LIPI: variants seen among roughly 807,000 people sequenced by gnomAD.
The protein encoded by LIPI is lipase I.
LIPI carries 59 observed loss-of-function variants against 50.6 expected under a neutral mutation model. The observed-to-expected ratio is 1.16, with a 90% CI of 0.94 to 1.45. LIPI has a LOEUF of 1.45. LIPI is among the 40% of genes most tolerant of loss of function. The pLI is 0.00. For synonymous variants in LIPI, 203 were observed against 178.2 expected, an observed-to-expected ratio of 1.14 and a Z score of -1.11; for missense variants, 586 against 536.3, an observed-to-expected ratio of 1.09 and a Z score of -0.92.
chr21:14,127,545 GTT>G (rs1452473509), intron 9 of LIPI, among the ~76,000 whole-genome samples: 1 of 152,056 alleles, frequency 6.6e-6, no homozygotes, highest in Non-Finnish European at 1.5e-5. Context: ...TACTTGTTCT[GTT>G]TTCTTTTGCT....
intron 1 of LIPI, among the ~76,000 whole-genome samples, chr21:14,196,125 C>CA (rs1410432036): frequency 9.4e-4 from 10 of 10,650 alleles, no homozygotes; most frequent in African/African-American, 1.3e-3. Flanking sequence ...GAGTTCGTAG[C>CA]GTTTTTTTTT....
chr21:14,152,009 A>G lies in LIPI; in HGVS notation c.1118+564T>C, dbSNP rs2018108158. Reference sequence around the variant, plus strand: ...TTAGAAGGCAATATGGTTAGGAAAAACACTCCAATGAGAGTCATAAGAGAG... The same window carrying G: ...TTAGAAGGCAATATGGTTAGGAAAAGCACTCCAATGAGAGTCATAAGAGAG... On this transcript the variant is annotated intron_variant, in intron 8 of 9. Transcript: ENST00000681601. 2.0e-5 allele frequency among the ~76,000 whole-genome samples: 3 copies of G among 151,962 alleles called. No homozygotes were observed. In the South Asian group the frequency reaches 6.2e-4, roughly 32 times the overall value.
intron 9 of LIPI, among the ~76,000 whole-genome samples, chr21:14,116,229 G>T (rs2016631334): frequency 6.6e-6 from 1 of 152,126 alleles, no homozygotes; most frequent in Non-Finnish European, 1.5e-5. Context: ...GGTCTCAGGA[G>T]AGGCCAATGT....
chr21:14,114,324 C>T (rs62208639), intron 9 of LIPI, among the ~76,000 whole-genome samples: 27,026 of 152,124 alleles, frequency 0.18, 3,120 homozygotes, highest in Non-Finnish European at 0.25. Context: ...CAATCAGACC[C>T]ACCCAAAATG....
intron 7 of LIPI, among the ~76,000 whole-genome samples, chr21:14,154,167 T>TA (rs76794953): frequency 0.36 from 55,087 of 150,970 alleles, 10,630 homozygotes; most frequent in East Asian, 0.66. Context: ...AATAACAATA[T>TA]AAAAAAATAA....
chr21:14,141,743 C>T (rs2017717799), intron 9 of LIPI, among the ~76,000 whole-genome samples: 1 of 152,084 alleles, frequency 6.6e-6, no homozygotes, highest in African/African-American at 2.4e-5. Context: ...TTCTTTTTAC[C>T]GTCCATATGA....
chr21:14,176,344 CTG>C (rs1169233227), intron 4 of LIPI, among the ~76,000 whole-genome samples: 2 of 151,716 alleles, frequency 1.3e-5, no homozygotes, highest in East Asian at 3.9e-4. Flanking sequence ...TTCTCCATTT[CTG>C]TGTGTTTCTA....
intron 8 of LIPI, among the ~76,000 whole-genome samples, chr21:14,149,507 G>C (rs980206800): frequency 1.3e-5 from 2 of 152,190 alleles, no homozygotes; most frequent in African/African-American, 4.8e-5. Flanking sequence ...GTCCCCCAAA[G>C]TCTTAACTCA....
At chr21:14,163,352 A>C in intron 7 of LIPI, 67 bp downstream of exon 7, 1 of 779,064 alleles carries the variant, frequency 1.3e-6, no homozygotes, top group Non-Finnish European at 2.3e-6. Flanking sequence ...AACACTTTGA[A>C]TCAAATGTAG....
intron 3 of LIPI, among the ~76,000 whole-genome samples, chr21:14,184,810 C>A (rs1290015951): frequency 6.6e-6 from 1 of 152,182 alleles, no homozygotes; most frequent in African/African-American, 2.4e-5. Context: ...TAAATCCTGG[C>A]TAAACTGCTA....
intron 9 of LIPI, among the ~76,000 whole-genome samples, chr21:14,126,486 T>C (rs73155587): frequency 0.14 from 20,897 of 152,252 alleles, 1,894 homozygotes; most frequent in South Asian, 0.21. Flanking sequence ...CTATGGATTC[T>C]ACATCCATGG....
In LIPI at chr21:14,155,973, T is replaced by G. The variant is rs186352201; in HGVS notation, c.1007-3289A>C. 3.9e-5 allele frequency among the ~76,000 whole-genome samples: 6 copies of G among 152,098 alleles called. No homozygotes were observed. In the East Asian group the frequency reaches 1.2e-3, roughly 29 times the overall value. On this transcript the variant is annotated intron_variant, in intron 7 of 9. Transcript: ENST00000681601. ...AAATGTTAAGGATTGAAACAAAAAT[T>G]TTTACACAATCTAATATTCAAAATC... is the stretch of plus-strand genomic sequence containing the variant.
intron 9 of LIPI, among the ~76,000 whole-genome samples, chr21:14,134,841 C>A (rs1053981980): frequency 3.3e-5 from 5 of 151,848 alleles, no homozygotes; most frequent in African/African-American, 1.2e-4. Context: ...TAAAAAAAAT[C>A]TTAGAAGAAA....
At chr21:14,124,858 G>A (rs1272281981) in intron 9 of LIPI, among the ~76,000 whole-genome samples, 1 of 152,156 alleles carries the variant, frequency 6.6e-6, no homozygotes, top group Non-Finnish European at 1.5e-5. Flanking sequence ...AGGCGTGGTG[G>A]CACGCACATG....
chr21:14,183,292 A>T (rs1232872037), intron 3 of LIPI, among the ~76,000 whole-genome samples: 4 of 152,216 alleles, frequency 2.6e-5, no homozygotes, highest in African/African-American at 9.6e-5. Flanking sequence ...CTGAAACTGG[A>T]TCCCTTCCTT....
At chr21:14,171,391 A>G (rs1282939377) in intron 4 of LIPI, among the ~76,000 whole-genome samples, 31 of 150,764 alleles carry the variant, frequency 2.1e-4, no homozygotes, top group Non-Finnish European at 4.4e-5. Flanking sequence ...GAACCAAAAA[A>G]GAGCCCGCAT....
At chr21:14,130,440 G>T (rs953711468) in intron 9 of LIPI, among the ~76,000 whole-genome samples, 1 of 152,034 alleles carries the variant, frequency 6.6e-6, no homozygotes, top group Non-Finnish European at 1.5e-5. Context: ...CCACCACCTC[G>T]CCAAGGAAGG....
chr21:14,143,445 T>C (rs1469892692), intron 9 of LIPI: 1 of 152,188 alleles, frequency 6.6e-6, no homozygotes, highest in Non-Finnish European at 1.5e-5. Flanking sequence ...TCTCTTCTGT[T>C]GATATAGACC....
At chr21:14,177,077 G>A (rs1000114636) in intron 4 of LIPI, among the ~76,000 whole-genome samples, 1 of 152,046 alleles carries the variant, frequency 6.6e-6, no homozygotes, top group Admixed American at 6.6e-5. Context: ...CTATGATTGT[G>A]TAGTTGCCTT....
Sources: allele counts gnomAD v4.1 joint callset (sites outside exome capture counted in the v4.1 genomes callset), GRCh38; gene constraint gnomAD v4.1.1; transcripts MANE v1.5; gene names NCBI Gene and HGNC (gene_info 2026-07-23, HGNC 2026-07-21).